PIN1: variants seen among roughly 807,000 people sequenced by gnomAD.
The protein encoded by PIN1 is peptidylprolyl cis/trans isomerase, NIMA-interacting 1.
In PIN1, 8 loss-of-function variants were observed where a neutral mutation model predicts 19.9. The ratio of observed to expected loss-of-function variants is 0.40; its 90% CI spans 0.24 to 0.72. PIN1 has a LOEUF of 0.72. Ranked by LOEUF, PIN1 falls within the 30% of genes least tolerant of loss-of-function variation. The probability of loss-of-function intolerance (pLI) is 0.37; values close to 1 mark genes in which losing one functional copy is unlikely to be tolerated. For missense variants in PIN1, 185 were observed against 226.5 expected (o/e 0.82, Z 1.18); for synonymous variants, 86 against 90.8 (o/e 0.95, Z 0.30).
intron 1 of PIN1, chr19:9,836,894 C>T (rs1199400243): frequency 4.7e-6 from 6 of 1,266,934 alleles, no homozygotes; most frequent in South Asian, 1.2e-5. Flanking sequence ...TCCGTTTTGC[C>T]ATCTATACAA....
At chr19:9,837,610 CACCACAA>C (rs1422996873) in intron 1 of PIN1, 1 of 154,882 alleles carries the variant, frequency 6.5e-6, no homozygotes, top group Non-Finnish European at 1.4e-5. Context: ...TACAGACATA[CACCACAA>C]CGCCCGGCTA....
At chr19:9,848,884 C>T (rs1195957975) in intron 3 of PIN1, among the ~76,000 whole-genome samples, 1 of 152,178 alleles carries the variant, frequency 6.6e-6, no homozygotes, top group Non-Finnish European at 1.5e-5. Context: ...TGTCCTCGGG[C>T]TTCCCAGGGC....
intron 2 of PIN1, among the ~76,000 whole-genome samples, chr19:9,839,861 A>C (rs1353582480): frequency 2.0e-5 from 3 of 152,058 alleles, no homozygotes; most frequent in African/African-American, 7.2e-5. Context: ...TTAGCTGGAC[A>C]TGGTGGTGCA....
At chr19:9,848,997 G>C in intron 3 of PIN1, 93 bp from the exon 4 acceptor site, 1 of 746,572 alleles carries the variant, frequency 1.3e-6, no homozygotes, top group South Asian at 1.5e-5. Flanking sequence ...GCGCAGGCAG[G>C]AGCCCCATCT....
chr19:9,843,019 G>A (rs2046183946), intron 2 of PIN1, among the ~76,000 whole-genome samples: 1 of 152,252 alleles, frequency 6.6e-6, no homozygotes, highest in Non-Finnish European at 1.5e-5. Context: ...TGCAGCTGCT[G>A]GGCCACAGCC....
chr19:9,847,915 C>T, intron 2 of PIN1, 115 bp from the exon 3 acceptor site: 1 of 736,704 alleles, frequency 1.4e-6, no homozygotes, highest in Admixed American at 1.9e-5. Context: ...TGAGGGGAGG[C>T]TTTCCAACTG....
Position 9,835,336 on chromosome 19 carries a change from G to GGAGGGAAGATGGCGGAC in PIN1, c.-4_13dup. The GGAGGGAAGATGGCGGAC allele has an allele frequency of 6.6e-7, 1 of 1,525,418 alleles. No homozygotes were observed. Among genetic ancestry groups the GGAGGGAAGATGGCGGAC allele is most frequent in the Non-Finnish European group, 8.8e-7 (1 of 1,142,522 alleles). 94.5% of individuals were successfully genotyped at this position (1,525,418 alleles called of 1,614,324 possible). ...CTGAGGCGGAGCAGGCGCTGCGGCA[G>GGAGGGAAGATGGCGGAC]GAGGGAAGATGGCGGACGAGGAGAA... On this transcript the variant is annotated 5_prime_UTR_variant, in exon 1 of 4. It adds an upstream start codon to the 5' untranslated region. Transcript: ENST00000247970.
intron 3 of PIN1, chr19:9,848,344 T>C (rs2046242563): frequency 1.7e-6 from 1 of 588,608 alleles, no homozygotes; most frequent in Non-Finnish European, 3.0e-6. Flanking sequence ...TGCAGCACTT[T>C]CTTCCTGGCA....
chr19:9,835,604 G>T (rs990334318), intron 1 of PIN1: 1 of 509,646 alleles, frequency 2.0e-6, no homozygotes, highest in Non-Finnish European at 3.3e-6. Flanking sequence ...TGAGGAAGCT[G>T]AGGCAGGGGG....
At chr19:9,842,438 GGCGT>G (rs535510797) in intron 2 of PIN1, among the ~76,000 whole-genome samples, 211 of 152,326 alleles carry the variant, frequency 1.4e-3, no homozygotes, top group Middle Eastern at 0.014. Context: ...CTCAGTGGCT[GGCGT>G]GCTCTGCACG....
rs552980265 is a variant in PIN1, at chr19:9,843,264, G to A, written c.271+4616G>A. ...TCCTGGGGTCCTCAAGGTCACTGGC[G>A]CCCTTCCAGCCTGCTGGCCTTGGGC... On this transcript the variant is annotated intron_variant, in intron 2 of 3. Transcript: ENST00000247970. 1.1e-4 allele frequency among the ~76,000 whole-genome samples: 17 copies of A among 152,336 alleles called. No individual in the cohort carries two copies. In the South Asian group the frequency reaches 3.3e-3, roughly 30 times the overall value.
rs1424442597 is a variant in PIN1 at position 9,835,410 on chromosome 19, G to A, written c.58+8G>A. Reference sequence around the variant, plus strand: ...GCATGAGCCGCAGCTCAGGTGCCGCGGGGGTCGGGGCTGGGGCGGGACTGC... The same window carrying A: ...GCATGAGCCGCAGCTCAGGTGCCGCAGGGGTCGGGGCTGGGGCGGGACTGC... On this transcript the variant is annotated splice_region_variant and intron_variant, in intron 1 of 3. Coordinates refer to ENST00000247970, the MANE Select transcript of PIN1 (RefSeq NM_006221.4). 4 of 1,504,678 alleles carry A rather than the reference G, an allele frequency of 2.7e-6. No homozygotes were observed. In the Admixed American group the frequency reaches 6.2e-5, roughly 23 times the overall value. The allele number at this position is 1,504,678 out of a possible 1,614,324, so 93.2% of individuals were successfully genotyped here.
rs1202889850 is a variant in PIN1, at chr19:9,849,622, C to G, written c.*423C>G. On this transcript the variant is annotated 3_prime_UTR_variant, in exon 4 of 4. Transcript: ENST00000247970. ...AAAGGTGAACACTCATGCGGCCCAGCCATGGGCCCTCTGAGCAACTGTGCA... is the reference window on the plus strand; with the variant it reads ...AAAGGTGAACACTCATGCGGCCCAGGCATGGGCCCTCTGAGCAACTGTGCA... 3.8e-6 allele frequency: 2 copies of G among 528,638 alleles called. No individual in the cohort carries two copies. The highest frequency in any genetic ancestry group is 1.1e-4 in the East Asian group (2 of 18,996). The allele number at this position is 528,638 out of a possible 1,614,324, so 32.7% of individuals were successfully genotyped here. A position where few individuals can be genotyped will look rare whatever the true frequency, so the allele number is the denominator to read the frequency against.
At chr19:9,842,961 G>A (rs1298036002) in intron 2 of PIN1, among the ~76,000 whole-genome samples, 1 of 152,242 alleles carries the variant, frequency 6.6e-6, no homozygotes, top group Non-Finnish European at 1.5e-5. Flanking sequence ...AGAGAGCCGG[G>A]ACCTCCACAT....
rs1286749604 is a variant in PIN1, at chr19:9,846,041, C to A, written c.272-1989C>A. Among the ~76,000 whole-genome samples the A allele has an allele frequency of 6.6e-6, 1 of 152,070 alleles. No homozygotes were observed. Among genetic ancestry groups the A allele is most frequent in the African/African-American group, 2.4e-5 (1 of 41,394 alleles). On this transcript the variant is annotated intron_variant, in intron 2 of 3. Transcript: ENST00000247970. The surrounding 1 kb of genome is among the most constrained non-coding windows in gnomAD (Gnocchi z 5.9). ...CTCTGTGCCTAAGGCCAAGGAGATA[C>A]CTAGAAGTTCAGGGAGAGGAGGGGT...
chr19:9,849,269 C>T lies in PIN1; in HGVS notation c.*70C>T, dbSNP rs1049424984. The T allele has an allele frequency of 1.4e-5, 15 of 1,039,136 alleles. No individual in the cohort carries two copies. The African/African-American group carries it at 1.6e-4, about 11-fold the overall frequency. 64.4% of individuals were successfully genotyped at this position (1,039,136 alleles called of 1,614,324 possible). On this transcript the variant is annotated 3_prime_UTR_variant, in exon 4 of 4. Coordinates refer to ENST00000247970, the MANE Select transcript of PIN1 (RefSeq NM_006221.4). ...AGGCCGGCCAGCTCCCCCTTGCCCGCCAGCCAGTGGCCGAACCCCCCACTC... is the reference window on the plus strand; with the variant it reads ...AGGCCGGCCAGCTCCCCCTTGCCCGTCAGCCAGTGGCCGAACCCCCCACTC...
At chr19:9,836,963 T>G in intron 1 of PIN1, 2 of 649,672 alleles carry the variant, frequency 3.1e-6, no homozygotes, top group South Asian at 2.9e-5. Flanking sequence ...CTAGGCATTT[T>G]GTAGATGTGT....
intron 2 of PIN1, among the ~76,000 whole-genome samples, chr19:9,843,390 G>C (rs2046187887): frequency 6.6e-6 from 1 of 152,268 alleles, no homozygotes; most frequent in South Asian, 2.1e-4. Flanking sequence ...TGGGCAGCCT[G>C]GGGGAAGTAT....
In PIN1 at chr19:9,835,693, C is replaced by G. The variant is rs553520933; in HGVS notation, c.58+291C>G. Reference sequence around the variant, plus strand: ...CCGGCTGATACCTCTCGGCCTAATGCACCTGACACCCCGGGGGACGTCTCT... The same window carrying G: ...CCGGCTGATACCTCTCGGCCTAATGGACCTGACACCCCGGGGGACGTCTCT... On this transcript the variant is annotated intron_variant, in intron 1 of 3. Transcript: ENST00000247970. 6 of 435,996 alleles carry G rather than the reference C, an allele frequency of 1.4e-5. No homozygotes were observed. The East Asian group carries it at 2.4e-4, about 17-fold the overall frequency. 27.0% of individuals were successfully genotyped at this position (435,996 alleles called of 1,614,324 possible). A position where few individuals can be genotyped will look rare whatever the true frequency, so the allele number is the denominator to read the frequency against.
Sources: gnomAD v4.1 joint callset for allele counts (sites outside exome capture counted in the v4.1 genomes callset) on GRCh38, gnomAD v4.1.1 for gene constraint, Gnocchi (gnomAD v3.1) non-coding constraint, MANE v1.5 for transcripts, NCBI Gene and HGNC (gene_info 2026-07-23, HGNC 2026-07-21) for gene names.